Variants in TLK1 observed in about 807,000 individuals in gnomAD.
TLK1 encodes the protein serine/threonine-protein kinase tousled-like 1.
Under a neutral mutation model 105.3 loss-of-function variants are expected in TLK1, and 24 were observed. That is an observed-to-expected ratio of 0.23 (90% CI 0.17 to 0.32). The LOEUF (loss-of-function observed/expected upper bound fraction) is 0.32. Ranked by LOEUF, TLK1 falls within the 10% of genes least tolerant of loss-of-function variation. TLK1 has a pLI of 1.00. For missense variants in TLK1, 558 were observed against 910.5 expected (o/e 0.61, Z 4.98); for synonymous variants, 321 against 310.4 (o/e 1.03, Z -0.36).
At chr2:171,181,445 C>A (rs566559973) in intron 1 of TLK1, among the ~76,000 whole-genome samples, 1 of 152,228 alleles carries the variant, frequency 6.6e-6, no homozygotes, top group South Asian at 2.1e-4. Flanking sequence ...CATCTCAGTC[C>A]ATTTTGTGTT....
At chr2:171,174,875 T>C (rs1353082516) in intron 1 of TLK1, among the ~76,000 whole-genome samples, 1 of 152,184 alleles carries the variant, frequency 6.6e-6, no homozygotes, top group Non-Finnish European at 1.5e-5. Context: ...AATATAACTT[T>C]TAGTAATATT....
At chr2:171,002,430 ATGCCCGGCTAATTTTTTG>A (rs1338118422) in intron 18 of TLK1, among the ~76,000 whole-genome samples, 2 of 151,598 alleles carry the variant, frequency 1.3e-5, no homozygotes, top group Non-Finnish European at 2.9e-5. Flanking sequence ...GCCTGCCACC[ATGCCCGGCTAATTTTTTG>A]TATTTTTAGT....
At chr2:171,021,668 T>C (rs1685515308) in intron 12 of TLK1, among the ~76,000 whole-genome samples, 1 of 152,144 alleles carries the variant, frequency 6.6e-6, no homozygotes, top group Non-Finnish European at 1.5e-5. Context: ...AACTGTTTTC[T>C]CTTTTTTGTG....
intron 1 of TLK1, among the ~76,000 whole-genome samples, chr2:171,187,084 GA>G (rs1693043876): frequency 1.4e-5 from 1 of 73,694 alleles, no homozygotes; most frequent in African/African-American, 6.9e-5. Context: ...AAAAAAAAAA[GA>G]AAAAGAAAAA....
chr2:171,062,818 A>G (rs888830958), intron 3 of TLK1, among the ~76,000 whole-genome samples: 3 of 152,208 alleles, frequency 2.0e-5, no homozygotes, highest in South Asian at 4.1e-4. Context: ...ATAAAACTCA[A>G]TATGTCCAAT....
At chr2:171,017,878 C>T (rs1293199884) in intron 12 of TLK1, among the ~76,000 whole-genome samples, 2 of 152,198 alleles carry the variant, frequency 1.3e-5, no homozygotes, top group East Asian at 1.9e-4. Flanking sequence ...ACCCACCATA[C>T]TCAGTGAAAT....
In TLK1 at chr2:171,053,767, C is replaced by A; in HGVS notation, c.726G>T (p.Leu242Phe). Residue 242 changes from leucine (L) to phenylalanine (F), a missense_variant, in exon 8 of 21, where the codon TTG becomes TTT. Physicochemically the swap from Leu to Phe is conservative, Grantham distance 22. Coordinates refer to ENST00000431350, the MANE Select transcript of TLK1 (RefSeq NM_012290.5). Reference protein sequence around the residue: ...LEKKEGRIDDLLRANCDLRRQ... With the variant: ...LEKKEGRIDDFLRANCDLRRQ... Reference sequence around the variant, plus strand: ...TCTATGACTCATTACTTACCCTGAGCAAATCATCTATACGTCCCTCCTTCT... The same window carrying A: ...TCTATGACTCATTACTTACCCTGAGAAAATCATCTATACGTCCCTCCTTCT... The A allele has an allele frequency of 6.2e-7, 1 of 1,603,328 alleles. No homozygotes were observed. The highest frequency in any genetic ancestry group is 8.5e-7 in the Non-Finnish European group (1 of 1,175,376).
intron 1 of TLK1, among the ~76,000 whole-genome samples, chr2:171,121,361 GTC>G (rs1690645733): frequency 6.6e-6 from 1 of 152,072 alleles, no homozygotes; most frequent in Non-Finnish European, 1.5e-5. Context: ...GCAAAACCCT[GTC>G]TCTACAAAAA....
chr2:171,038,223 A>G (rs981593405), intron 11 of TLK1, among the ~76,000 whole-genome samples: 1 of 152,170 alleles, frequency 6.6e-6, no homozygotes, highest in Non-Finnish European at 1.5e-5. Flanking sequence ...GTTTTTAAAA[A>G]TCAATCATAT....
At chr2:171,024,893 G>A (rs560768632) in intron 12 of TLK1, among the ~76,000 whole-genome samples, 2 of 152,148 alleles carry the variant, frequency 1.3e-5, no homozygotes, top group Non-Finnish European at 2.9e-5. Context: ...GGTGAGCAAC[G>A]ACTGCTTAAA....
chr2:171,187,762 C>A (rs888103162), intron 1 of TLK1, among the ~76,000 whole-genome samples: 2 of 152,188 alleles, frequency 1.3e-5, no homozygotes, highest in Non-Finnish European at 2.9e-5. Context: ...GAACAAGAAC[C>A]TTGTTACCCT....
chr2:171,219,438 A>C, intron 1 of TLK1, among the ~76,000 whole-genome samples: 1 of 152,184 alleles, frequency 6.6e-6, no homozygotes. Context: ...GCTTATAAGC[A>C]ACAGAAATGT....
At chr2:171,208,582 C>G (rs971047442) in intron 1 of TLK1, among the ~76,000 whole-genome samples, 1 of 152,118 alleles carries the variant, frequency 6.6e-6, no homozygotes, top group Admixed American at 6.5e-5. Context: ...ACAACATAAT[C>G]AACTTTAAGA....
In TLK1 at chr2:171,050,093, A is replaced by C. The variant is rs1185086631; in HGVS notation, c.814T>G (p.Ser272Ala). The C allele has an allele frequency of 1.9e-6, 3 of 1,601,240 alleles. No homozygotes were observed. Among genetic ancestry groups the C allele is most frequent in the African/African-American group, 1.3e-5 (1 of 74,766 alleles). Reference protein sequence around the residue: ...KYKERLNKCISMSKKLLIEKS... With the variant: ...KYKERLNKCIAMSKKLLIEKS... ...TCAATAAGAAGTTTCTTGCTCATTG[A>C]TATGCACTTATTTAATCGTTCTTTG... Residue 272 changes from serine to alanine, a missense_variant, in exon 9 of 21, where the codon TCA becomes GCA. By Grantham distance (99) the Ser-to-Ala change is moderately conservative. This residue lies in a region of TLK1 where 196 missense variants were observed against 239.3 expected (regional missense o/e 0.82). Coordinates refer to ENST00000431350, the MANE Select transcript of TLK1 (RefSeq NM_012290.5).
intron 13 of TLK1, among the ~76,000 whole-genome samples, chr2:171,014,038 T>C (rs1388023592): frequency 6.6e-6 from 1 of 152,254 alleles, no homozygotes; most frequent in African/African-American, 2.4e-5. Context: ...CTGTAAGCTG[T>C]ACTTTTCCAT....
intron 1 of TLK1, among the ~76,000 whole-genome samples, chr2:171,196,743 G>A (rs1306921736): frequency 6.6e-6 from 1 of 152,170 alleles, no homozygotes; most frequent in Non-Finnish European, 1.5e-5. Context: ...GCAGTCTGGA[G>A]GCCATTGTCA....
intron 2 of TLK1, among the ~76,000 whole-genome samples, chr2:171,108,050 C>CCT (rs1385468810): frequency 3.4e-5 from 5 of 146,146 alleles, no homozygotes; most frequent in African/African-American, 1.3e-4. Flanking sequence ...GAGTGAGACC[C>CCT]CTCTCTCAAA....
At chr2:171,159,251 C>T (rs535671827) in intron 1 of TLK1, among the ~76,000 whole-genome samples, 1 of 152,264 alleles carries the variant, frequency 6.6e-6, no homozygotes, top group East Asian at 1.9e-4. Context: ...GTGAACAGCC[C>T]GTCTACCAAT....
chr2:171,183,702 T>A (rs746321324), intron 1 of TLK1, among the ~76,000 whole-genome samples: 1 of 152,238 alleles, frequency 6.6e-6, no homozygotes, highest in African/African-American at 2.4e-5. Context: ...AATAGTTTAA[T>A]TGATGACCAT....
Sources: allele counts gnomAD v4.1 joint callset (sites outside exome capture counted in the v4.1 genomes callset), GRCh38; gene constraint gnomAD v4.1.1; regional missense constraint gnomAD v4.1.1; transcripts MANE v1.5; gene names NCBI Gene and HGNC (gene_info 2026-07-23, HGNC 2026-07-21).